Variants in MRPS14 observed in about 807,000 individuals in gnomAD.
The protein encoded by MRPS14 is small ribosomal subunit protein uS14m.
A neutral mutation model predicts 16.4 loss-of-function variants in MRPS14; 14 were observed. The observed-to-expected ratio is 0.85, with a 90% CI of 0.56 to 1.33. The LOEUF (loss-of-function observed/expected upper bound fraction) is 1.33. MRPS14 is among the 40% of genes most tolerant of loss of function. MRPS14 has a pLI of 0.00. For synonymous variants in MRPS14, 54 were observed against 61.9 expected (o/e 0.87, Z 0.60); for missense variants, 162 against 176.8 (o/e 0.92, Z 0.48).
intron 1 of MRPS14, among the ~76,000 whole-genome samples, chr1:175,019,591 T>A (rs1672941890): frequency 6.6e-6 from 1 of 152,124 alleles, no homozygotes; most frequent in East Asian, 1.9e-4. Context: ...CCACTGTGCC[T>A]GATGAGGATA....
intron 1 of MRPS14, among the ~76,000 whole-genome samples, chr1:175,022,104 C>A (rs1480282773): frequency 6.6e-6 from 1 of 151,346 alleles, no homozygotes; most frequent in Non-Finnish European, 1.5e-5. Flanking sequence ...TTTGGTAGAA[C>A]TATATTTCCC....
At position 175,018,440 on chromosome 1, in the gene MRPS14, GTATTC is replaced by G. The variant is rs1672921434; in HGVS notation, c.177_181del (p.Lys59AsnfsTer12). ...AACCTGAAGAATTTTTGGCAAAATG[GTATTC>G]TTCCTGAGTGAATTAATACGTAGCC... is the stretch of plus-strand genomic sequence containing the variant. On this transcript the variant is annotated frameshift_variant, in exon 2 of 3. Transcript: ENST00000476371. LOFTEE classifies it high-confidence loss of function. 4 of 1,601,040 alleles carry G rather than the reference GTATTC, an allele frequency of 2.5e-6. No individual in the cohort carries two copies. The highest frequency in any genetic ancestry group is 3.4e-6 in the Non-Finnish European group (4 of 1,176,402).
intron 1 of MRPS14, among the ~76,000 whole-genome samples, chr1:175,018,989 C>G (rs1311835019): frequency 1.3e-5 from 2 of 152,138 alleles, no homozygotes; most frequent in Non-Finnish European, 2.9e-5. Context: ...TCCACTGTTT[C>G]TAGTTTCTTG....
Position 175,014,473 on chromosome 1 carries a change from A to G in MRPS14, c.*196T>C, listed in dbSNP as rs1672842354. On this transcript the variant is annotated 3_prime_UTR_variant, in exon 3 of 3. Coordinates refer to ENST00000476371, the MANE Select transcript of MRPS14 (RefSeq NM_022100.3). ...TGGGAACAGTATGTTTGTTAAGTCC[A>G]AGAGAAAAGATAATTCACTGACATG... 1.9e-6 allele frequency: 1 copy of G among 531,572 alleles called. No homozygotes were observed. The highest frequency in any genetic ancestry group is 3.3e-6 in the Non-Finnish European group (1 of 305,686). The allele number at this position is 531,572 out of a possible 1,614,324, so 32.9% of individuals were successfully genotyped here.
intron 1 of MRPS14, among the ~76,000 whole-genome samples, chr1:175,019,277 T>C (rs1369156716): frequency 6.6e-6 from 1 of 152,072 alleles, no homozygotes; most frequent in African/African-American, 2.4e-5. Context: ...AGATATATTA[T>C]TATTTATTTA....
Position 175,014,591 on chromosome 1 carries a change from G to T in MRPS14, c.*78C>A, listed in dbSNP as rs1018224726. On this transcript the variant is annotated 3_prime_UTR_variant, in exon 3 of 3. Coordinates refer to ENST00000476371, the MANE Select transcript of MRPS14 (RefSeq NM_022100.3). ...TGGGCCCCTGTAGAGATTAGGGTTT[G>T]GTCTATTAAAAAAAATCTTTGCTTG... The T allele has an allele frequency of 1.4e-6, 2 of 1,448,170 alleles. No individual in the cohort carries two copies. Among genetic ancestry groups the T allele is most frequent in the Non-Finnish European group, 9.3e-7 (1 of 1,070,416 alleles). The allele number at this position is 1,448,170 out of a possible 1,614,324, so 89.7% of individuals were successfully genotyped here. A position where few individuals can be genotyped will look rare whatever the true frequency, so the allele number is the denominator to read the frequency against.
chr1:175,023,389 C>A lies in MRPS14; in HGVS notation c.20G>T (p.Gly7Val), dbSNP rs988043020. Residue 7 changes from glycine (G) to valine (V), a missense_variant, in exon 1 of 3, where the codon GGC (glycine) becomes GTC (valine). Physicochemically the swap from Gly to Val is moderately radical, Grantham distance 109. Coordinates refer to ENST00000476371, the MANE Select transcript of MRPS14 (RefSeq NM_022100.3). MAAFMLGSLLRTFKQMV... is the reference protein window; with the variant it reads MAAFMLVSLLRTFKQMV... ...CTGCTTGAACGTCCGCAGCAGCGAGCCCAGCATGAAGGCCGCCATGTTGTC... is the reference window on the plus strand; with the variant it reads ...CTGCTTGAACGTCCGCAGCAGCGAGACCAGCATGAAGGCCGCCATGTTGTC... 3 of 1,614,050 alleles carry A rather than the reference C, an allele frequency of 1.9e-6. No homozygotes were observed. Among genetic ancestry groups the A allele is most frequent in the Non-Finnish European group, 2.5e-6 (3 of 1,180,036 alleles).
chr1:175,023,326 G>C, intron 1 of MRPS14, 38 bp downstream of exon 1: 2 of 1,610,268 alleles, frequency 1.2e-6, no homozygotes, highest in Non-Finnish European at 1.7e-6. Flanking sequence ...AGATTCAGCG[G>C]TGAGGGGTAG....
In MRPS14 at chr1:175,014,709, T is replaced by G. The variant is rs774353058; in HGVS notation, c.347A>C (p.Asp116Ala). 6.2e-7 allele frequency: 1 copy of G among 1,613,716 alleles called. No homozygotes were observed. Among genetic ancestry groups the G allele is most frequent in the Non-Finnish European group, 8.5e-7 (1 of 1,179,832 alleles). ...LSRIVFRHLA[D>A]HGQLSGIQRA... ...CTGGATCCCAGAAAGTTGCCCATGG[T>G]CAGCTAAGTGACGGAAGACTATACG... Residue 116 changes from aspartate to alanine, a missense_variant, in exon 3 of 3, where the codon GAC becomes GCC. By Grantham distance (126) the Asp-to-Ala change is moderately radical. Coordinates refer to ENST00000476371, the MANE Select transcript of MRPS14 (RefSeq NM_022100.3).
chr1:175,022,615 T>C (rs1198957034), intron 1 of MRPS14: 1 of 152,278 alleles, frequency 6.6e-6, no homozygotes, highest in Admixed American at 6.6e-5. Flanking sequence ...GGTACAGCTC[T>C]AGCAATTCTT....
In MRPS14 at chr1:175,014,385, TAAAAG is replaced by T. The variant is rs746205995; in HGVS notation, c.*279_*283del. On this transcript the variant is annotated 3_prime_UTR_variant, in exon 3 of 3. Coordinates refer to ENST00000476371, the MANE Select transcript of MRPS14 (RefSeq NM_022100.3). ...CTATATGTTACTAAAAGATTAAACTTAAAAGGAGGGTATAAAAAACATTCACAGAA... is the reference window on the plus strand; with the variant it reads ...CTATATGTTACTAAAAGATTAAACTTGAGGGTATAAAAAACATTCACAGAA... 2.3e-4 allele frequency: 93 copies of T among 412,538 alleles called. No homozygotes were observed. Among genetic ancestry groups the T allele is most frequent in the African/African-American group, 1.6e-3 (79 of 48,900 alleles). The allele number at this position is 412,538 out of a possible 1,614,324, so 25.6% of individuals were successfully genotyped here.
chr1:175,017,336 G>C (rs1672900248), intron 2 of MRPS14, among the ~76,000 whole-genome samples: 1 of 152,156 alleles, frequency 6.6e-6, no homozygotes, highest in Non-Finnish European at 1.5e-5. Context: ...GTGAGCCACT[G>C]TGCCTGGCCT....
At chr1:175,016,565 C>T (rs1418847100) in intron 2 of MRPS14, among the ~76,000 whole-genome samples, 2 of 152,176 alleles carry the variant, frequency 1.3e-5, no homozygotes, top group Non-Finnish European at 2.9e-5. Flanking sequence ...GATTCACAGA[C>T]TCTGCACAGT....
intron 1 of MRPS14, among the ~76,000 whole-genome samples, chr1:175,020,571 C>T (rs763178249): frequency 1.3e-5 from 2 of 151,876 alleles, no homozygotes; most frequent in Non-Finnish European, 1.5e-5. Context: ...TGCAATGACG[C>T]GATCGTGGCT....
rs778079037 is a variant in MRPS14 at position 175,023,357 on chromosome 1, G to A, written c.45+7C>T. The A allele has an allele frequency of 1.2e-6, 2 of 1,614,008 alleles. No homozygotes were observed. The highest frequency in any genetic ancestry group is 2.2e-5 in the South Asian group (2 of 91,028). On this transcript the variant is annotated splice_region_variant and intron_variant, in intron 1 of 2. Coordinates refer to ENST00000476371, the MANE Select transcript of MRPS14 (RefSeq NM_022100.3). Reference sequence around the variant, plus strand: ...GGTAGCGGTGTGGATAAAAGTAGAGGCCTGACCTGCTTGAACGTCCGCAGC... The same window carrying A: ...GGTAGCGGTGTGGATAAAAGTAGAGACCTGACCTGCTTGAACGTCCGCAGC...
Position 175,014,560 on chromosome 1 carries a change from C to G in MRPS14, c.*109G>C. On this transcript the variant is annotated 3_prime_UTR_variant, in exon 3 of 3. Transcript: ENST00000476371. ...AGATAGCATCAGGTAGGCCAAACAA[C>G]TGTACTGGGCCCCTGTAGAGATTAG... 1 of 1,122,444 alleles carries G rather than the reference C, an allele frequency of 8.9e-7. No homozygotes were observed. Among genetic ancestry groups the G allele is most frequent in the East Asian group, 2.5e-5 (1 of 39,292 alleles). The allele number at this position is 1,122,444 out of a possible 1,614,324, so 69.5% of individuals were successfully genotyped here. A position where few individuals can be genotyped will look rare whatever the true frequency, so the allele number is the denominator to read the frequency against.
At chr1:175,023,091 A>G (rs918279499) in intron 1 of MRPS14, among the ~76,000 whole-genome samples, 1 of 152,122 alleles carries the variant, frequency 6.6e-6, no homozygotes, top group African/African-American at 2.4e-5. Context: ...TGAGAGCTCA[A>G]TCCTCGGAAC....
At chr1:175,015,088 C>A (rs1355588176) in intron 2 of MRPS14, among the ~76,000 whole-genome samples, 1 of 151,944 alleles carries the variant, frequency 6.6e-6, no homozygotes, top group East Asian at 1.9e-4. Flanking sequence ...GCTGAGATTA[C>A]AGGTGTGCAC....
chr1:175,014,767 G>A lies in MRPS14; in HGVS notation c.289C>T (p.Pro97Ser). The change falls in exon 3 of 3, where the codon CCG (proline) becomes TCG (serine). Residue 97 changes from proline (P) to serine (S), a missense_variant. By Grantham distance (74) the Pro-to-Ser change is moderately conservative. Transcript: ENST00000476371. ...CTCCAGCGCCGCTTCACACCACGCGGACGGGACGTCATAACACACCGATTT... is the reference window on the plus strand; with the variant it reads ...CTCCAGCGCCGCTTCACACCACGCGAACGGGACGTCATAACACACCGATTT... Reference protein sequence around the residue: ...IRNRCVMTSRPRGVKRRWRLS... With the variant: ...IRNRCVMTSRSRGVKRRWRLS... 6.2e-7 allele frequency: 1 copy of A among 1,614,116 alleles called. No homozygotes were observed. Among genetic ancestry groups the A allele is most frequent in the East Asian group, 2.2e-5 (1 of 44,882 alleles).
Sources: gnomAD v4.1 joint callset for allele counts (sites outside exome capture counted in the v4.1 genomes callset) on GRCh38, gnomAD v4.1.1 for gene constraint, MANE v1.5 for transcripts, NCBI Gene and HGNC (gene_info 2026-07-23, HGNC 2026-07-21) for gene names.